ZHX3: variants seen among roughly 807,000 people sequenced by gnomAD.
ZHX3 encodes the protein zinc fingers and homeoboxes 3.
A neutral mutation model predicts 64.5 loss-of-function variants in ZHX3; 20 were observed. The observed-to-expected ratio is 0.31, with a 90% confidence interval of 0.22 to 0.45. The LOEUF (loss-of-function observed/expected upper bound fraction) is 0.45, where lower values mean the gene tolerates loss of function less well. Among genes scored for constraint, ZHX3 ranks in the 20% least tolerant of loss-of-function variants. The pLI, the probability that ZHX3 is intolerant of heterozygous loss-of-function variation, is 1.00. For missense variants in ZHX3, 1,041 were observed against 1,195.8 expected (o/e 0.87, Z 1.91); for synonymous variants, 423 against 461.6 (o/e 0.92, Z 1.07).
At chr20:41,292,553 ACT>A (rs2044302203) in intron 1 of ZHX3, among the ~76,000 whole-genome samples, 1 of 152,126 alleles carries the variant, frequency 6.6e-6, no homozygotes, top group African/African-American at 2.4e-5. Context: ...GTGATCACGA[ACT>A]CTCTACTCTG....
rs189638243 is a variant in ZHX3, at chr20:41,202,845, C to A, written c.2072G>T (p.Gly691Val). Residue 691 changes from glycine (G) to valine (V), a missense_variant, in exon 3 of 4, where the codon GGT (glycine) becomes GTT (valine). Around this residue, in one of 4 missense-constraint regions of ZHX3, gnomAD observed 649 missense variants for 739.8 expected, o/e 0.88. Transcript: ENST00000683867. The surrounding 1 kb of genome is among the most constrained non-coding windows in gnomAD (Gnocchi z 7.0). ...QEEEEAAEDE[G>V]GEEDLASELR... ...CTCACTGGCCAAATCCTCTTCTCCA[C>A]CCTCATCCTCAGCAGCCTCCTCTTC... is the stretch of plus-strand genomic sequence containing the variant. 1.9e-6 allele frequency: 3 copies of A among 1,614,188 alleles called. No homozygotes were observed. Among genetic ancestry groups the A allele is most frequent in the Non-Finnish European group, 2.5e-6 (3 of 1,180,034 alleles).
intron 2 of ZHX3, among the ~76,000 whole-genome samples, chr20:41,235,439 CATACCTAGG>C (rs1294044453): frequency 6.6e-6 from 1 of 152,180 alleles, no homozygotes; most frequent in East Asian, 1.9e-4. Context: ...AAGTTGGCTT[CATACCTAGG>C]ATGCAAGGCT....
chr20:41,282,658 C>T (rs1288222319), intron 1 of ZHX3, among the ~76,000 whole-genome samples: 1 of 152,104 alleles, frequency 6.6e-6, no homozygotes, highest in African/African-American at 2.4e-5. Flanking sequence ...GCACCCAGCC[C>T]ACGATTCATC....
At chr20:41,239,429 C>G (rs931692569) in intron 2 of ZHX3, among the ~76,000 whole-genome samples, 25 of 152,182 alleles carry the variant, frequency 1.6e-4, no homozygotes, top group Non-Finnish European at 3.4e-4. Context: ...CAGAAGGACA[C>G]AGAGAGAGGG....
intron 3 of ZHX3, among the ~76,000 whole-genome samples, chr20:41,192,442 C>A (rs1053160668): frequency 1.3e-5 from 2 of 152,226 alleles, no homozygotes; most frequent in Non-Finnish European, 2.9e-5. Context: ...AGTGGCAGTG[C>A]TGTACTACTA....
rs758859537 is a variant in ZHX3 at position 41,224,247 on chromosome 20, T to G, written c.-150-19181A>C. ...ATGACAATTTATTACAAAGCCCCTT[T>G]CTTAGTTGGACCTGGTTCCCAGCTT... On this transcript the variant is annotated intron_variant, in intron 2 of 3. Coordinates refer to ENST00000683867, the MANE Select transcript of ZHX3 (RefSeq NM_001384317.1). This position sits in a 1 kb window ranked among gnomAD's most constrained non-coding sequence, Gnocchi z 5.2. 1.4e-4 allele frequency among the ~76,000 whole-genome samples: 21 copies of G among 152,176 alleles called. No homozygotes were observed. The highest frequency in any genetic ancestry group is 1.9e-4 in the Non-Finnish European group (13 of 68,024).
In ZHX3 at chr20:41,178,535, T is replaced by TC. The variant is rs2036130002; in HGVS notation, c.*6655dup. On this transcript the variant is annotated 3_prime_UTR_variant, in exon 4 of 4. Transcript: ENST00000683867. Reference sequence around the variant, plus strand: ...CATTTCAAATTGTACAAGCAATTTGTCCGTGTTCCCCTCCCTTATCCAAAT... The same window carrying TC: ...CATTTCAAATTGTACAAGCAATTTGTCCCGTGTTCCCCTCCCTTATCCAAAT... 1 of 152,672 alleles carries TC rather than the reference T, an allele frequency of 6.5e-6. No individual in the cohort carries two copies. The highest frequency in any genetic ancestry group is 2.1e-4 in the South Asian group (1 of 4,832). The allele number at this position is 152,672 out of a possible 1,614,324, so 9.5% of individuals were successfully genotyped here.
In ZHX3 at chr20:41,208,026, T is replaced by C. The variant is rs564270861; in HGVS notation, c.-150-2960A>G. On this transcript the variant is annotated intron_variant, in intron 2 of 3. Coordinates refer to ENST00000683867, the MANE Select transcript of ZHX3 (RefSeq NM_001384317.1). ...AAAGGGGATATCACCACCGATCCCA[T>C]AGAAATACAAACTACCATTAGAGAA... is the stretch of plus-strand genomic sequence containing the variant. Among the ~76,000 whole-genome samples the C allele has an allele frequency of 8.7e-4, 133 of 152,214 alleles. 2 individuals are homozygous for C. Among genetic ancestry groups the C allele is most frequent in the African/African-American group, 2.8e-3 (116 of 41,520 alleles).
At chr20:41,249,656 A>G (rs1220696354) in intron 2 of ZHX3, among the ~76,000 whole-genome samples, 1 of 152,144 alleles carries the variant, frequency 6.6e-6, no homozygotes, top group African/African-American at 2.4e-5. Context: ...ACCATTTAAA[A>G]CAATCTTAGC....
chr20:41,234,675 G>A (rs976320061), intron 2 of ZHX3, among the ~76,000 whole-genome samples: 4 of 152,260 alleles, frequency 2.6e-5, no homozygotes, highest in Non-Finnish European at 5.9e-5. Flanking sequence ...TGTAAAAATA[G>A]GTCACTGCTT....
intron 1 of ZHX3, among the ~76,000 whole-genome samples, chr20:41,293,725 C>T (rs1206506617): frequency 6.6e-6 from 1 of 152,154 alleles, no homozygotes; most frequent in African/African-American, 2.4e-5. Flanking sequence ...AAAAGAATGG[C>T]TGAACTGAAG....
At position 41,201,225 on chromosome 20, in the gene ZHX3, TGCCATTTTG is replaced by T. The variant is rs1361406815; in HGVS notation, c.2860+823_2860+831del. ...ACATTGCCAACTCAGCTAGCAATGC[TGCCATTTTG>T]GAACCCCCAATCCCTTCAGCTTCTA... is the stretch of plus-strand genomic sequence containing the variant. On this transcript the variant is annotated intron_variant, in intron 3 of 3. Transcript: ENST00000683867. This position sits in a 1 kb window ranked among gnomAD's most constrained non-coding sequence, Gnocchi z 5.0. 1.7e-6 allele frequency: 2 copies of T among 1,164,416 alleles called. No individual in the cohort carries two copies. The highest frequency in any genetic ancestry group is 1.2e-4 in the East Asian group (2 of 17,006). The allele number at this position is 1,164,416 out of a possible 1,614,324, so 72.1% of individuals were successfully genotyped here. A position where few individuals can be genotyped will look rare whatever the true frequency, so the allele number is the denominator to read the frequency against.
rs562136787 is a variant in ZHX3, at chr20:41,292,141, G to A, written c.-244-23058C>T. Among the ~76,000 whole-genome samples, 5 of 151,816 alleles carry A rather than the reference G, an allele frequency of 3.3e-5. No homozygotes were observed. The East Asian group carries it at 7.7e-4, about 24-fold the overall frequency. On this transcript the variant is annotated intron_variant, in intron 1 of 3. Coordinates refer to ENST00000683867, the MANE Select transcript of ZHX3 (RefSeq NM_001384317.1). ...TATTTTTTATGAAAATAGAGCAGCT[G>A]AATTGTCAGTGTCAAAGCTTTGGGG...
rs773669184 is a variant in ZHX3 at position 41,204,849 on chromosome 20, G to C, written c.68C>G (p.Ala23Gly). The part of the protein sequence containing the change: ...IPVKTVVLQD[A>G]SMEAQPAETL... ...CTCAGCGGGCTGGGCCTCCATGCTG[G>C]CATCTTGCAACACCACAGTCTTCAC... The change falls in exon 3 of 4, where the codon GCC (alanine) becomes GGC (glycine). Residue 23 changes from alanine to glycine, a missense_variant. Physicochemically the swap from Ala to Gly is moderately conservative, Grantham distance 60. This residue lies in a region of ZHX3 where 358 missense variants were observed against 369.1 expected (regional missense o/e 0.97). Coordinates refer to ENST00000683867, the MANE Select transcript of ZHX3 (RefSeq NM_001384317.1). The surrounding 1 kb of genome is among the most constrained non-coding windows in gnomAD (Gnocchi z 6.6). 4 of 1,591,570 alleles carry C rather than the reference G, an allele frequency of 2.5e-6. No individual in the cohort carries two copies. The highest frequency in any genetic ancestry group is 3.4e-6 in the Non-Finnish European group (4 of 1,168,562).
intron 3 of ZHX3, among the ~76,000 whole-genome samples, chr20:41,190,841 T>C (rs571920748): frequency 6.6e-6 from 1 of 152,338 alleles, no homozygotes; most frequent in African/African-American, 2.4e-5. Flanking sequence ...TTTTTCCCCT[T>C]CAGCCCTGTC....
rs112643817 is a variant in ZHX3, at chr20:41,233,699, G to A, written c.-150-28633C>T. On this transcript the variant is annotated intron_variant, in intron 2 of 3. Coordinates refer to ENST00000683867, the MANE Select transcript of ZHX3 (RefSeq NM_001384317.1). ...CTACATGCCAAGAACAGAGGAAAAAGGCAATGGAGAGACCGGACAAGAACT... is the reference window on the plus strand; with the variant it reads ...CTACATGCCAAGAACAGAGGAAAAAAGCAATGGAGAGACCGGACAAGAACT... 5.9e-3 allele frequency among the ~76,000 whole-genome samples: 905 copies of A among 152,272 alleles called. 7 individuals are homozygous for A. The highest frequency in any genetic ancestry group is 0.02 in the African/African-American group (845 of 41,544).
Position 41,228,675 on chromosome 20 carries a change from G to A in ZHX3, c.-150-23609C>T, listed in dbSNP as rs2040417454. On this transcript the variant is annotated intron_variant, in intron 2 of 3. Coordinates refer to ENST00000683867, the MANE Select transcript of ZHX3 (RefSeq NM_001384317.1). The surrounding 1 kb of genome is among the most constrained non-coding windows in gnomAD (Gnocchi z 4.6). The stretch of plus-strand genomic sequence containing the variant: ...CCAGTGACCTAATTACCCTCCAAAT[G>A]CCTCACCTCCTAAGACAATCACATT... Among the ~76,000 whole-genome samples, 1 of 152,078 alleles carries A rather than the reference G, an allele frequency of 6.6e-6. No homozygotes were observed. Among genetic ancestry groups the A allele is most frequent in the Admixed American group, 6.6e-5 (1 of 15,262 alleles).
chr20:41,294,298 G>C (rs1309132230), intron 1 of ZHX3, among the ~76,000 whole-genome samples: 1 of 152,202 alleles, frequency 6.6e-6, no homozygotes, highest in Non-Finnish European at 1.5e-5. Flanking sequence ...AATTTTGTAT[G>C]TAAATGATGT....
Position 41,202,704 on chromosome 20 carries a change from T to C in ZHX3, c.2213A>G (p.Asn738Ser), listed in dbSNP as rs780970510. ...NLKNLRVTEANGRNEIPGLGA... is the reference protein window; with the variant it reads ...NLKNLRVTEASGRNEIPGLGA... ...CAGCCCTGGAATCTCGTTCCTGCCA[T>C]TGGCTTCAGTGACCCTCAGGTTCTT... is the stretch of plus-strand genomic sequence containing the variant. Residue 738 changes from asparagine to serine, a missense_variant, in exon 3 of 4, where the codon AAT becomes AGT. Physicochemically the swap from Asn to Ser is conservative, Grantham distance 46 (BLOSUM62 1). Coordinates refer to ENST00000683867, the MANE Select transcript of ZHX3 (RefSeq NM_001384317.1). This position sits in a 1 kb window ranked among gnomAD's most constrained non-coding sequence, Gnocchi z 7.0. 6.2e-6 allele frequency: 10 copies of C among 1,614,124 alleles called. No homozygotes were observed. The highest frequency in any genetic ancestry group is 4.5e-5 in the East Asian group (2 of 44,872).
Sources: gnomAD v4.1 joint callset for allele counts (sites outside exome capture counted in the v4.1 genomes callset) on GRCh38, gnomAD v4.1.1 for gene constraint, gnomAD v4.1.1 regional missense constraint, Gnocchi (gnomAD v3.1) non-coding constraint, MANE v1.5 for transcripts, NCBI Gene and HGNC (gene_info 2026-07-23, HGNC 2026-07-21) for gene names.